WWOX: variants seen among roughly 807,000 people sequenced by gnomAD.
The protein encoded by WWOX is WW domain-containing oxidoreductase.
A neutral mutation model predicts 46.2 loss-of-function variants in WWOX; 69 were observed. That is an observed-to-expected ratio of 1.49 (90% CI 1.23 to 1.82). The LOEUF is 1.82. Among genes scored for constraint, WWOX ranks in the 40% most tolerant of loss-of-function variants. The pLI is 0.00. For synonymous variants in WWOX, 359 were observed against 202.6 expected, an observed-to-expected ratio of 1.77 and a Z score of -6.56; for missense variants, 919 against 542.6, an observed-to-expected ratio of 1.69 and a Z score of -6.89.
chr16:79,041,689 G>C (rs1422294037), intron 8 of WWOX, among the ~76,000 whole-genome samples: 1 of 152,124 alleles, frequency 6.6e-6, no homozygotes, highest in African/African-American at 2.4e-5. Context: ...ACTGCAAATG[G>C]CAAGGGCATG....
chr16:78,159,343 T>C (rs987384324), intron 4 of WWOX, among the ~76,000 whole-genome samples: 2 of 152,166 alleles, frequency 1.3e-5, no homozygotes, highest in African/African-American at 4.8e-5. Flanking sequence ...TGCTGGATCA[T>C]AATCCAGCAA....
At position 78,426,123 on chromosome 16, in the gene WWOX, C is replaced by T. The variant is rs73572825; in HGVS notation, c.791+1068C>T. The stretch of plus-strand genomic sequence containing the variant: ...ATGAAAGGTAAATGCCAGTAATAAT[C>T]CTCCCCCGTGTTAAAAGACATGAAA... On this transcript the variant is annotated intron_variant, in intron 7 of 8. Coordinates refer to ENST00000566780, the MANE Select transcript of WWOX (RefSeq NM_016373.4). 8.3e-3 allele frequency among the ~76,000 whole-genome samples: 1,271 copies of T among 152,232 alleles called. 17 individuals carry two copies. The highest frequency in any genetic ancestry group is 0.028 in the African/African-American group (1,149 of 41,542).
intron 8 of WWOX, among the ~76,000 whole-genome samples, chr16:78,918,555 T>C (rs1360179904): frequency 6.6e-6 from 1 of 152,214 alleles, no homozygotes; most frequent in African/African-American, 2.4e-5. Flanking sequence ...AAACTTTTTC[T>C]TCTTTCCGAG....
At chr16:79,185,501 C>G (rs60097269) in intron 8 of WWOX, among the ~76,000 whole-genome samples, 1,228 of 2,520 alleles carry the variant, frequency 0.49, 17 homozygotes, top group African/African-American at 0.5. Context: ...TGTGACACCT[C>G]CTGCCCCCTG....
chr16:78,244,745 G>C lies in WWOX; in HGVS notation c.516+80456G>C, dbSNP rs138513229. Among the ~76,000 whole-genome samples the C allele has an allele frequency of 2.6e-3, 403 of 152,256 alleles. 2 individuals are homozygous for C. The highest frequency in any genetic ancestry group is 9.2e-3 in the African/African-American group (382 of 41,554). On this transcript the variant is annotated intron_variant, in intron 5 of 8. Coordinates refer to ENST00000566780, the MANE Select transcript of WWOX (RefSeq NM_016373.4). ...TGCACCTGCAGTTACTAATTCCTGT[G>C]GAATGAAGTAGGCGGGCCCGAAATG...
intron 5 of WWOX, among the ~76,000 whole-genome samples, chr16:78,194,489 G>A (rs2035984695): frequency 6.6e-6 from 1 of 151,184 alleles, no homozygotes. Context: ...TCGGGATGCT[G>A]AGGTGGGAGA....
chr16:78,377,796 G>A (rs531739530), intron 5 of WWOX, among the ~76,000 whole-genome samples: 48 of 152,182 alleles, frequency 3.2e-4, no homozygotes, highest in African/African-American at 8.4e-4. Flanking sequence ...TCCATGGCAC[G>A]CAACTCATAT....
intron 5 of WWOX, among the ~76,000 whole-genome samples, chr16:78,223,560 C>T (rs2036959162): frequency 6.6e-6 from 1 of 152,128 alleles, no homozygotes; most frequent in South Asian, 2.1e-4. Context: ...CGGTGGAAGG[C>T]AGGGGCTGCT....
chr16:78,824,278 A>T (rs1462507378), intron 8 of WWOX, among the ~76,000 whole-genome samples: 1 of 152,190 alleles, frequency 6.6e-6, no homozygotes, highest in African/African-American at 2.4e-5. Flanking sequence ...TTCTAACAAT[A>T]AACTGACCAA....
intron 5 of WWOX, among the ~76,000 whole-genome samples, chr16:78,200,765 G>T (rs912217127): frequency 1.3e-5 from 2 of 151,858 alleles, no homozygotes; most frequent in African/African-American, 4.8e-5. Context: ...CCGTCCACTC[G>T]GTTATATGTG....
chr16:78,507,231 G>A (rs892817887), intron 8 of WWOX, among the ~76,000 whole-genome samples: 4 of 152,150 alleles, frequency 2.6e-5, no homozygotes, highest in African/African-American at 9.7e-5. Context: ...GACAAGATTA[G>A]CAGTAATATA....
intron 4 of WWOX, among the ~76,000 whole-genome samples, chr16:78,125,231 T>A (rs2033311825): frequency 6.6e-6 from 1 of 152,088 alleles, no homozygotes; most frequent in African/African-American, 2.4e-5. Flanking sequence ...TGTGATAATG[T>A]CGAAAGGAAA....
Position 78,752,597 on chromosome 16 carries a change from G to C in WWOX, c.1056+319845G>C, listed in dbSNP as rs145580389. On this transcript the variant is annotated intron_variant, in intron 8 of 8. Transcript: ENST00000566780. ...AGAATATTCTTTCTAATATGATTTA[G>C]CTAACAGGTTCAGCAGATTTTTAAA... 7.6e-3 allele frequency among the ~76,000 whole-genome samples: 1,154 copies of C among 152,300 alleles called. 5 individuals are homozygous for C. Among genetic ancestry groups the C allele is most frequent in the South Asian group, 0.018 (86 of 4,824 alleles).
At chr16:79,210,799 C>T (rs914575630) in intron 8 of WWOX, among the ~76,000 whole-genome samples, 3 of 152,106 alleles carry the variant, frequency 2.0e-5, no homozygotes, top group Non-Finnish European at 4.4e-5. Flanking sequence ...TATGATGCCT[C>T]ATCACTGCAC....
At chr16:78,531,228 G>T (rs2043613812) in intron 8 of WWOX, among the ~76,000 whole-genome samples, 1 of 152,166 alleles carries the variant, frequency 6.6e-6, no homozygotes, top group Admixed American at 6.5e-5. Context: ...TACATTCAGT[G>T]CTGGGAGTCT....
intron 8 of WWOX, among the ~76,000 whole-genome samples, chr16:78,702,975 A>C (rs1383942853): frequency 6.6e-6 from 1 of 152,164 alleles, no homozygotes; most frequent in Non-Finnish European, 1.5e-5. Flanking sequence ...CTTGTAGATC[A>C]TCATAGGATA....
intron 8 of WWOX, among the ~76,000 whole-genome samples, chr16:78,566,526 C>G (rs1160429118): frequency 3.3e-5 from 5 of 152,156 alleles, no homozygotes; most frequent in African/African-American, 7.2e-5. Context: ...ATGTGAGGCA[C>G]AGGATGGTTC....
intron 8 of WWOX, among the ~76,000 whole-genome samples, chr16:78,507,951 A>G (rs1179614352): frequency 6.6e-6 from 1 of 150,934 alleles, no homozygotes; most frequent in Non-Finnish European, 1.5e-5. Flanking sequence ...TTATGCACGG[A>G]CCTTTTATGC....
intron 1 of WWOX, among the ~76,000 whole-genome samples, chr16:78,102,247 G>T (rs1210416507): frequency 1.3e-5 from 2 of 152,138 alleles, no homozygotes; most frequent in African/African-American, 4.8e-5. Context: ...AGGTGGGTGG[G>T]GCAGGAGGGC....
Sources: allele counts gnomAD v4.1 joint callset (sites outside exome capture counted in the v4.1 genomes callset), GRCh38; gene constraint gnomAD v4.1.1; transcripts MANE v1.5; gene names NCBI Gene and HGNC (gene_info 2026-07-23, HGNC 2026-07-21).